Variants in NOL4 observed in about 807,000 individuals in gnomAD.
The protein encoded by NOL4 is nucleolar protein 4.
Under a neutral mutation model 75.9 loss-of-function variants are expected in NOL4, and 17 were observed. The observed-to-expected ratio is 0.22, with a 90% CI of 0.15 to 0.34. The LOEUF is 0.34. NOL4 is among the 10% of genes least tolerant of loss of function. NOL4 has a pLI of 1.00. For synonymous variants in NOL4, 292 were observed against 289.9 expected, an observed-to-expected ratio of 1.01 and a Z score of -0.07; for missense variants, 614 against 793.5, an observed-to-expected ratio of 0.77 and a Z score of 2.72.
At chr18:34,156,125 A>G (rs2030342241) in intron 1 of NOL4, among the ~76,000 whole-genome samples, 1 of 152,126 alleles carries the variant, frequency 6.6e-6, no homozygotes, top group Non-Finnish European at 1.5e-5. Context: ...AGTTACAAGG[A>G]AAGGCTGCAG....
intron 6 of NOL4, among the ~76,000 whole-genome samples, chr18:33,967,214 C>G (rs938897410): frequency 1.3e-5 from 2 of 152,056 alleles, no homozygotes; most frequent in African/African-American, 4.8e-5. Flanking sequence ...TTGACAAACA[C>G]AAGCAATAGG....
chr18:34,056,751 T>C (rs1218379635), intron 5 of NOL4, among the ~76,000 whole-genome samples: 1 of 152,144 alleles, frequency 6.6e-6, no homozygotes, highest in Admixed American at 6.5e-5. Flanking sequence ...GGATCTTTTT[T>C]TTGGTTTTGC....
intron 1 of NOL4, among the ~76,000 whole-genome samples, chr18:34,188,163 T>C (rs2034635976): frequency 6.6e-6 from 1 of 152,242 alleles, no homozygotes; most frequent in South Asian, 2.1e-4. Flanking sequence ...ATTCATCTTT[T>C]TGTCATTAAC....
chr18:34,046,431 T>C (rs1453826236), intron 5 of NOL4, among the ~76,000 whole-genome samples: 1 of 151,620 alleles, frequency 6.6e-6, no homozygotes, highest in African/African-American at 2.4e-5. Flanking sequence ...CATTTGTGTC[T>C]AGGTCAGCCA....
chr18:33,870,826 C>A (rs1443495182), intron 10 of NOL4, among the ~76,000 whole-genome samples: 1 of 151,988 alleles, frequency 6.6e-6, no homozygotes, highest in Non-Finnish European at 1.5e-5. Flanking sequence ...ACTTTTAGAT[C>A]CATTCAGAAC....
At chr18:33,923,281 A>G (rs898458651) in intron 9 of NOL4, among the ~76,000 whole-genome samples, 15 of 152,056 alleles carry the variant, frequency 9.9e-5, no homozygotes, top group African/African-American at 3.6e-4. Context: ...CTTTGAATAC[A>G]TAGATTCTCT....
chr18:34,067,303 A>G (rs1163588564), intron 5 of NOL4, among the ~76,000 whole-genome samples: 1 of 152,200 alleles, frequency 6.6e-6, no homozygotes, highest in African/African-American at 2.4e-5. Flanking sequence ...TATTCCTGGC[A>G]TGTTTGAGGA....
chr18:34,221,920 AGG>A, intron 1 of NOL4: 1 of 954,094 alleles, frequency 1.0e-6, no homozygotes, highest in South Asian at 1.5e-5. Context: ...CCAGTACAGG[AGG>A]GGGGAAAGGA....
intron 1 of NOL4, among the ~76,000 whole-genome samples, chr18:34,132,315 A>G (rs998946674): frequency 2.0e-5 from 3 of 152,234 alleles, no homozygotes; most frequent in African/African-American, 4.8e-5. Flanking sequence ...AGGACTTGGT[A>G]TCTTAGGGTG....
intron 1 of NOL4, among the ~76,000 whole-genome samples, chr18:34,184,300 GTAATA>G (rs1051187821): frequency 1.3e-5 from 2 of 151,694 alleles, no homozygotes; most frequent in African/African-American, 4.8e-5. Context: ...ATTATGTCAT[GTAATA>G]TAATATTTTA....
At chr18:34,080,307 C>T (rs1047951277) in intron 5 of NOL4, among the ~76,000 whole-genome samples, 5 of 152,128 alleles carry the variant, frequency 3.3e-5, no homozygotes, top group African/African-American at 1.2e-4. Flanking sequence ...AATGGCCTCA[C>T]CCCTGCAACC....
At chr18:34,166,497 C>T (rs1285254204) in intron 1 of NOL4, among the ~76,000 whole-genome samples, 1 of 151,970 alleles carries the variant, frequency 6.6e-6, no homozygotes, top group Admixed American at 6.6e-5. Context: ...CTCCATTTTC[C>T]CAAAGTCCCA....
chr18:34,015,317 T>TA (rs2074620973), intron 6 of NOL4, among the ~76,000 whole-genome samples: 1 of 152,038 alleles, frequency 6.6e-6, no homozygotes, highest in Non-Finnish European at 1.5e-5. Context: ...AATTTCCCAC[T>TA]AATTCTGTTA....
intron 6 of NOL4, among the ~76,000 whole-genome samples, chr18:34,017,647 C>G (rs2074780325): frequency 6.6e-6 from 1 of 152,098 alleles, no homozygotes; most frequent in Non-Finnish European, 1.5e-5. Flanking sequence ...AATGTGCTAT[C>G]AAAACTTCTC....
At chr18:34,003,999 T>A (rs572156938) in intron 6 of NOL4, among the ~76,000 whole-genome samples, 6 of 152,032 alleles carry the variant, frequency 3.9e-5, no homozygotes, top group Non-Finnish European at 8.8e-5. Flanking sequence ...TATAATCTAG[T>A]CTCTTTGAAG....
intron 5 of NOL4, among the ~76,000 whole-genome samples, chr18:34,056,408 A>AT (rs1442377392): frequency 6.6e-6 from 1 of 151,772 alleles, no homozygotes; most frequent in African/African-American, 2.4e-5. Flanking sequence ...CAGCCTGCCC[A>AT]TTTTTTTCTC....
intron 2 of NOL4, among the ~76,000 whole-genome samples, chr18:34,112,799 G>A (rs190057385): frequency 1.8e-4 from 27 of 152,238 alleles, no homozygotes; most frequent in Admixed American, 9.2e-4. Flanking sequence ...CATAGTAACC[G>A]TAGATAATTC....
rs866121147 is a variant in NOL4 at position 33,943,127 on chromosome 18, C to A, written c.1480G>T (p.Ala494Ser). Reference protein sequence around the residue: ...LTSAVAESILASACESESRNA... With the variant: ...LTSAVAESILSSACESESRNA... ...CTACTCTCACTCTCACAAGCTGAAGCCAAGATACTCTCTGCAACTGCTGAA... is the reference window on the plus strand; with the variant it reads ...CTACTCTCACTCTCACAAGCTGAAGACAAGATACTCTCTGCAACTGCTGAA... Residue 494 changes from alanine (A) to serine (S), a missense_variant, in exon 9 of 11, where the codon GCT becomes TCT. Physicochemically the swap from Ala to Ser is moderately conservative, Grantham distance 99 (BLOSUM62 1). Coordinates refer to ENST00000261592, the MANE Select transcript of NOL4 (RefSeq NM_003787.5). 1 of 1,611,214 alleles carries A rather than the reference C, an allele frequency of 6.2e-7. No individual in the cohort carries two copies. The highest frequency in any genetic ancestry group is 1.3e-5 in the African/African-American group (1 of 74,546).
Position 33,943,189 on chromosome 18 carries a change from A to T in NOL4, c.1429-11T>A. On this transcript the variant is annotated splice_polypyrimidine_tract_variant and intron_variant, in intron 8 of 10. Transcript: ENST00000261592. ...AGGAATAGGTCGAGACTAAAAAAAA[A>T]AAGAGAAAAGTATGAAAAAAATTAT... is the stretch of plus-strand genomic sequence containing the variant. 6.3e-7 allele frequency: 1 copy of T among 1,588,832 alleles called. No individual in the cohort carries two copies. Among genetic ancestry groups the T allele is most frequent in the Non-Finnish European group, 8.6e-7 (1 of 1,162,652 alleles).
Sources: gnomAD v4.1 joint callset for allele counts (sites outside exome capture counted in the v4.1 genomes callset) on GRCh38, gnomAD v4.1.1 for gene constraint, MANE v1.5 for transcripts, NCBI Gene and HGNC (gene_info 2026-07-23, HGNC 2026-07-21) for gene names.